The following UGGT2 variants were observed in gnomAD, a reference collection of about 807,000 sequenced individuals.
The protein encoded by UGGT2 is UDP-glucose:glycoprotein glucosyltransferase 2.
A neutral mutation model predicts 192.1 loss-of-function variants in UGGT2; 180 were observed. The observed-to-expected ratio is 0.94, with a 90% CI of 0.83 to 1.06. UGGT2 has a LOEUF of 1.06. Among genes scored for constraint, UGGT2 ranks in the 50% least tolerant of loss-of-function variants. The pLI, the probability that UGGT2 is intolerant of heterozygous loss-of-function variation, is 0.00. For missense variants in UGGT2, 1,849 were observed against 1,795.7 expected (o/e 1.03, Z -0.54); for synonymous variants, 580 against 591.0 (o/e 0.98, Z 0.27).
chr13:95,918,546 T>C (rs1366348770), intron 20 of UGGT2, among the ~76,000 whole-genome samples: 2 of 151,840 alleles, frequency 1.3e-5, no homozygotes, highest in East Asian at 3.9e-4. Context: ...CTGAAGGAGT[T>C]AGACAAACGA....
chr13:95,898,289 C>G (rs565342079), intron 22 of UGGT2, among the ~76,000 whole-genome samples: 1 of 152,088 alleles, frequency 6.6e-6, no homozygotes, highest in Non-Finnish European at 1.5e-5. Flanking sequence ...CCAACTCATT[C>G]AGAGTAAAGT....
chr13:95,968,058 AAC>A (rs1202821117), intron 12 of UGGT2, among the ~76,000 whole-genome samples: 2 of 152,094 alleles, frequency 1.3e-5, no homozygotes, highest in Non-Finnish European at 2.9e-5. Flanking sequence ...CCTCATTTCT[AAC>A]AGTTACTCCT....
chr13:95,817,493 G>A (rs936965000), intron 38 of UGGT2, among the ~76,000 whole-genome samples: 2 of 152,104 alleles, frequency 1.3e-5, no homozygotes, highest in African/African-American at 4.8e-5. Context: ...CTGAGTGGCA[G>A]GATTGCTTGA....
chr13:95,953,700 C>A (rs2050133529), intron 12 of UGGT2, among the ~76,000 whole-genome samples: 1 of 151,626 alleles, frequency 6.6e-6, no homozygotes, highest in African/African-American at 2.4e-5. Context: ...ATCTAATGCC[C>A]AGATTTTGGT....
intron 30 of UGGT2, 90 bp from the exon 31 acceptor site, chr13:95,863,804 C>T (rs1812635079): frequency 1.0e-6 from 1 of 988,710 alleles, no homozygotes; most frequent in African/African-American, 1.6e-5. Flanking sequence ...GCGAGATTAC[C>T]CATAGAAATC....
chr13:95,844,234 T>G (rs190663904), intron 36 of UGGT2, among the ~76,000 whole-genome samples: 1 of 152,364 alleles, frequency 6.6e-6, no homozygotes, highest in East Asian at 1.9e-4. Context: ...AGTGCTGGGA[T>G]TACAGGCGTG....
intron 22 of UGGT2, among the ~76,000 whole-genome samples, chr13:95,895,819 C>T (rs1233861498): frequency 1.3e-5 from 2 of 151,966 alleles, no homozygotes; most frequent in African/African-American, 2.4e-5. Flanking sequence ...AGAGAAAAAT[C>T]ACATAAAAAT....
At chr13:95,907,668 G>A (rs1446887551) in intron 20 of UGGT2, among the ~76,000 whole-genome samples, 2 of 152,082 alleles carry the variant, frequency 1.3e-5, no homozygotes, top group Admixed American at 6.5e-5. Flanking sequence ...CCTGTTAGAA[G>A]GAAAACTAAC....
intron 12 of UGGT2, among the ~76,000 whole-genome samples, chr13:95,968,927 T>C (rs2050678280): frequency 6.6e-6 from 1 of 152,206 alleles, no homozygotes; most frequent in Non-Finnish European, 1.5e-5. Flanking sequence ...TCTGTTTACA[T>C]GACTGTCTCT....
intron 12 of UGGT2, among the ~76,000 whole-genome samples, chr13:95,952,201 A>G (rs2050085981): frequency 6.6e-6 from 1 of 152,052 alleles, no homozygotes; most frequent in Non-Finnish European, 1.5e-5. Context: ...GAAAAACCAC[A>G]GGAAAAAAAA....
intron 30 of UGGT2, among the ~76,000 whole-genome samples, chr13:95,866,584 T>C (rs1406981426): frequency 6.6e-6 from 1 of 152,174 alleles, no homozygotes; most frequent in African/African-American, 2.4e-5. Flanking sequence ...TAAAAGACTA[T>C]GAGGAATAAT....
intron 17 of UGGT2, among the ~76,000 whole-genome samples, chr13:95,934,427 C>T (rs1007508944): frequency 1.3e-5 from 2 of 152,254 alleles, no homozygotes; most frequent in Non-Finnish European, 2.9e-5. Context: ...TTTTCTGCCT[C>T]GATAATCTGT....
chr13:95,854,075 C>A (rs1306484812), intron 35 of UGGT2, among the ~76,000 whole-genome samples: 2 of 152,080 alleles, frequency 1.3e-5, no homozygotes, highest in African/African-American at 4.8e-5. Context: ...ATGCTGTATG[C>A]CTCAGTTTCC....
chr13:95,907,702 A>T (rs1292775661), intron 20 of UGGT2, among the ~76,000 whole-genome samples: 6 of 152,210 alleles, frequency 3.9e-5, no homozygotes, highest in Admixed American at 3.9e-4. Flanking sequence ...TAGCATCAAC[A>T]TCAACAAAAA....
At chr13:95,902,073 T>C (rs1294733893) in intron 21 of UGGT2, among the ~76,000 whole-genome samples, 1 of 152,170 alleles carries the variant, frequency 6.6e-6, no homozygotes, top group Non-Finnish European at 1.5e-5. Flanking sequence ...AACACAACTC[T>C]GCTGAGTCTG....
At chr13:96,010,652 A>C (rs987681465) in intron 5 of UGGT2, among the ~76,000 whole-genome samples, 1 of 152,254 alleles carries the variant, frequency 6.6e-6, no homozygotes. Context: ...ATCAAGAGAC[A>C]TAATTTTCAA....
chr13:95,918,957 A>G (rs1015478031), intron 20 of UGGT2, among the ~76,000 whole-genome samples: 2 of 152,228 alleles, frequency 1.3e-5, no homozygotes, highest in African/African-American at 2.4e-5. Context: ...ATGAACATCA[A>G]TGCAAAAATC....
intron 33 of UGGT2, among the ~76,000 whole-genome samples, chr13:95,859,244 T>C (rs1006954381): frequency 6.6e-6 from 1 of 152,186 alleles, no homozygotes; most frequent in African/African-American, 2.4e-5. Flanking sequence ...TTCTTGATAC[T>C]ACTACTGTTT....
intron 5 of UGGT2, among the ~76,000 whole-genome samples, chr13:96,000,369 G>A (rs917844919): frequency 6.6e-6 from 1 of 152,156 alleles, no homozygotes; most frequent in Non-Finnish European, 1.5e-5. Flanking sequence ...TCTTTGGCCT[G>A]TTCTATTTCC....
Sources: gnomAD v4.1 joint callset for allele counts (sites outside exome capture counted in the v4.1 genomes callset) on GRCh38, gnomAD v4.1.1 for gene constraint, MANE v1.5 for transcripts, NCBI Gene and HGNC (gene_info 2026-07-23, HGNC 2026-07-21) for gene names.